Variants in TRPM3 observed in about 807,000 individuals in gnomAD.
The protein encoded by TRPM3 is transient receptor potential cation channel subfamily M member 3.
In TRPM3, 77 loss-of-function variants were observed where a neutral mutation model predicts 181.2. The observed-to-expected ratio is 0.42, with a 90% CI of 0.35 to 0.51. The LOEUF is 0.51. Ranked by LOEUF, TRPM3 falls within the 20% of genes least tolerant of loss-of-function variation. The pLI is 0.01. For missense variants in TRPM3, 1,759 were observed against 2,196.7 expected (o/e 0.80, Z 3.98); for synonymous variants, 745 against 796.4 (o/e 0.94, Z 1.09).
At chr9:70,670,247 C>A (rs576871901) in intron 9 of TRPM3, among the ~76,000 whole-genome samples, 1 of 152,058 alleles carries the variant, frequency 6.6e-6, no homozygotes, top group Non-Finnish European at 1.5e-5. Context: ...ACTTTCATGC[C>A]GAAGAAAGTG....
chr9:70,861,093 C>A (rs1484126549), intron 3 of TRPM3, among the ~76,000 whole-genome samples: 1 of 150,778 alleles, frequency 6.6e-6, no homozygotes, highest in East Asian at 1.9e-4. Context: ...TATTTTTTAA[C>A]GGTAAAAAAC....
In TRPM3 at chr9:70,753,974, G is replaced by A. The variant is rs955329880; in HGVS notation, c.1272+7627C>T. 3.9e-5 allele frequency among the ~76,000 whole-genome samples: 6 copies of A among 152,264 alleles called. No homozygotes were observed. The East Asian group carries it at 9.7e-4, about 25-fold the overall frequency. On this transcript the variant is annotated intron_variant, in intron 8 of 25. Transcript: ENST00000677713. ...GCTGGTGTTGTCATCACCATGACTTGTTTAGGGCCACACAACCATGGGGCT... is the reference window on the plus strand; with the variant it reads ...GCTGGTGTTGTCATCACCATGACTTATTTAGGGCCACACAACCATGGGGCT...
At chr9:71,094,635 TA>T (rs938237683) in intron 1 of TRPM3, among the ~76,000 whole-genome samples, 2 of 152,140 alleles carry the variant, frequency 1.3e-5, no homozygotes, top group African/African-American at 4.8e-5. Flanking sequence ...TCTAGCTCTA[TA>T]AACTTAATTT....
chr9:70,939,995 T>C (rs1006146071), intron 1 of TRPM3, among the ~76,000 whole-genome samples: 1 of 152,190 alleles, frequency 6.6e-6, no homozygotes, highest in Non-Finnish European at 1.5e-5. Flanking sequence ...GATGTCTCCA[T>C]ATTTAAAACA....
chr9:71,215,538 C>T (rs2131822565), intron 1 of TRPM3, among the ~76,000 whole-genome samples: 1 of 152,208 alleles, frequency 6.6e-6, no homozygotes, highest in South Asian at 2.1e-4. Context: ...CCAGAAGAAA[C>T]CAGGATTTAA....
chr9:70,893,127 T>A (rs981425589), intron 1 of TRPM3, among the ~76,000 whole-genome samples: 1 of 152,220 alleles, frequency 6.6e-6, no homozygotes, highest in Admixed American at 6.5e-5. Context: ...ATTAATATTA[T>A]ATGTAGGGGA....
At chr9:70,969,124 A>G (rs1272380462) in intron 1 of TRPM3, among the ~76,000 whole-genome samples, 2 of 152,114 alleles carry the variant, frequency 1.3e-5, no homozygotes, top group African/African-American at 4.8e-5. Flanking sequence ...CTGACAAAGG[A>G]CTAATATCCA....
intron 1 of TRPM3, among the ~76,000 whole-genome samples, chr9:70,976,420 G>A (rs893652018): frequency 1.3e-5 from 2 of 152,184 alleles, no homozygotes; most frequent in African/African-American, 4.8e-5. Context: ...TAGGCAGAAT[G>A]TCCAAAGCAT....
intron 1 of TRPM3, among the ~76,000 whole-genome samples, chr9:71,055,246 G>T (rs1308569657): frequency 6.6e-6 from 1 of 152,030 alleles, no homozygotes; most frequent in Non-Finnish European, 1.5e-5. Flanking sequence ...AATCAAGTCA[G>T]GGAGACTGGT....
chr9:70,776,062 C>T (rs2081298423), intron 7 of TRPM3: 1 of 176,822 alleles, frequency 5.7e-6, no homozygotes, highest in Admixed American at 6.3e-5. Flanking sequence ...ACTCGTTCCT[C>T]CTGTATAGCC....
At chr9:71,000,397 A>C (rs1187816815) in intron 1 of TRPM3, among the ~76,000 whole-genome samples, 1 of 152,230 alleles carries the variant, frequency 6.6e-6, no homozygotes, top group Non-Finnish European at 1.5e-5. Flanking sequence ...TAAAGTGCTA[A>C]AGTGGTTTTC....
intron 1 of TRPM3, among the ~76,000 whole-genome samples, chr9:71,043,323 A>T (rs1274004744): frequency 6.6e-6 from 1 of 152,180 alleles, no homozygotes; most frequent in East Asian, 1.9e-4. Flanking sequence ...AGTTTCTGGG[A>T]AGAAAAGATG....
intron 6 of TRPM3, among the ~76,000 whole-genome samples, chr9:70,787,604 A>G (rs888368904): frequency 1.3e-5 from 2 of 152,164 alleles, no homozygotes; most frequent in Non-Finnish European, 2.9e-5. Context: ...AAAGAAAATG[A>G]CATCAGATAA....
At chr9:71,386,666 T>C (rs953854479) in intron 1 of TRPM3, among the ~76,000 whole-genome samples, 8 of 152,184 alleles carry the variant, frequency 5.3e-5, no homozygotes, top group African/African-American at 1.9e-4. Context: ...TAAATAATTA[T>C]TACTATATGA....
intron 1 of TRPM3, among the ~76,000 whole-genome samples, chr9:71,203,329 T>A (rs2078920395): frequency 1.3e-5 from 2 of 152,210 alleles, no homozygotes; most frequent in South Asian, 4.1e-4. Flanking sequence ...TGTGCCTGGC[T>A]CACAATGCAT....
chr9:70,953,880 G>C (rs963630930), intron 1 of TRPM3, among the ~76,000 whole-genome samples: 1 of 152,186 alleles, frequency 6.6e-6, no homozygotes, highest in Non-Finnish European at 1.5e-5. Flanking sequence ...TGCACAGGCT[G>C]TCATCCAGTG....
intron 1 of TRPM3, among the ~76,000 whole-genome samples, chr9:71,373,114 G>C (rs2092569362): frequency 6.6e-6 from 1 of 152,048 alleles, no homozygotes; most frequent in Admixed American, 6.6e-5. Flanking sequence ...TCCGGGATGT[G>C]GCTAAAGCAG....
intron 5 of TRPM3, among the ~76,000 whole-genome samples, chr9:70,833,025 G>A (rs906911828): frequency 1.3e-5 from 2 of 152,132 alleles, no homozygotes; most frequent in African/African-American, 2.4e-5. Context: ...GAAACTTTTG[G>A]ACAATAGTTT....
At chr9:71,197,284 G>A (rs957452212) in intron 1 of TRPM3, among the ~76,000 whole-genome samples, 1 of 152,074 alleles carries the variant, frequency 6.6e-6, no homozygotes, top group Non-Finnish European at 1.5e-5. Flanking sequence ...TGGACATTTC[G>A]CTTGGTTCCA....
Sources: gnomAD v4.1 joint callset for allele counts (sites outside exome capture counted in the v4.1 genomes callset) on GRCh38, gnomAD v4.1.1 for gene constraint, MANE v1.5 for transcripts, NCBI Gene and HGNC (gene_info 2026-07-23, HGNC 2026-07-21) for gene names.